The following SRD5A2 variants were observed in gnomAD, a reference collection of about 807,000 sequenced individuals.
The protein encoded by SRD5A2 is steroid 5 alpha-reductase 2.
SRD5A2 carries 30 observed loss-of-function variants against 27.4 expected under a neutral mutation model. The ratio of observed to expected loss-of-function variants is 1.10; its 90% CI spans 0.82 to 1.49. The LOEUF (loss-of-function observed/expected upper bound fraction) is 1.49, where lower values mean the gene tolerates loss of function less well. Among genes scored for constraint, SRD5A2 ranks in the 40% most tolerant of loss-of-function variants. The probability of loss-of-function intolerance (pLI) is 0.00; values close to 1 mark genes in which losing one functional copy is unlikely to be tolerated. For missense variants in SRD5A2, 348 were observed against 323.4 expected (o/e 1.08, Z -0.58); for synonymous variants, 141 against 133.6 (o/e 1.06, Z -0.38).
At chr2:31,589,671 C>T in the SRD5A2 span, among the ~76,000 whole-genome samples, 10 of 152,106 alleles carry the variant, frequency 6.6e-5, no homozygotes, top group Admixed American at 1.3e-4. Context: ...GGGGAGGGGC[C>T]ACAGGGTGAA....
At chr2:31,554,744 G>A (rs1666457825) in intron 1 of SRD5A2, among the ~76,000 whole-genome samples, 1 of 152,116 alleles carries the variant, frequency 6.6e-6, no homozygotes. Context: ...CTGGAAACAT[G>A]TTGCTTTAAA....
chr2:31,640,339 C>A, the SRD5A2 span, among the ~76,000 whole-genome samples: 1 of 152,068 alleles, frequency 6.6e-6, no homozygotes, highest in East Asian at 1.9e-4. Flanking sequence ...TTGTTAGGGT[C>A]AGTCACTGGA....
the SRD5A2 span, among the ~76,000 whole-genome samples, chr2:31,630,319 GAGAGAGAAA>G: frequency 1.2e-4 from 18 of 152,202 alleles, no homozygotes; most frequent in African/African-American, 1.4e-4. Context: ...GACAGAGAGA[GAGAGAGAAA>G]AGAGAGAAAA....
At chr2:31,619,340 T>C in the SRD5A2 span, among the ~76,000 whole-genome samples, 11 of 152,188 alleles carry the variant, frequency 7.2e-5, no homozygotes, top group Admixed American at 1.3e-4. Flanking sequence ...CAGTCTATCA[T>C]TGATGGGCAT....
chr2:31,564,971 T>C (rs971062677), intron 1 of SRD5A2, among the ~76,000 whole-genome samples: 3 of 151,966 alleles, frequency 2.0e-5, no homozygotes, highest in Admixed American at 6.6e-5. Context: ...TATTTAAAAC[T>C]GTTTAAAAGA....
intron 1 of SRD5A2, among the ~76,000 whole-genome samples, chr2:31,536,779 G>A (rs961466963): frequency 6.6e-6 from 1 of 152,220 alleles, no homozygotes. Context: ...AATTGGTGCT[G>A]TAGAGTTGTA....
the SRD5A2 span, among the ~76,000 whole-genome samples, chr2:31,589,659 C>T: frequency 6.6e-6 from 1 of 152,136 alleles, no homozygotes; most frequent in African/African-American, 2.4e-5. Context: ...GCCAGTAGAA[C>T]TGGGGAGGGG....
intron 1 of SRD5A2, among the ~76,000 whole-genome samples, chr2:31,547,216 G>A (rs555531972): frequency 6.6e-6 from 1 of 152,212 alleles, no homozygotes; most frequent in Non-Finnish European, 1.5e-5. Context: ...AATGATTTTT[G>A]ACAAGGGTGC....
At chr2:31,637,371 A>G in the SRD5A2 span, among the ~76,000 whole-genome samples, 1 of 152,084 alleles carries the variant, frequency 6.6e-6, no homozygotes, top group Non-Finnish European at 1.5e-5. Flanking sequence ...ACCCTGCTGA[A>G]CAAAACAGGT....
chr2:31,533,539 C>T lies in SRD5A2; in HGVS notation c.445+64G>A, dbSNP rs1006566097. On this transcript the variant is annotated intron_variant, in intron 2 of 4. Transcript: ENST00000622030. ...TCATTGCAGTAGGGAGAGGCCATGG[C>T]GATGTAGATTGTGGGAAGGGTTGTT... is the stretch of plus-strand genomic sequence containing the variant. 40 of 1,459,564 alleles carry T rather than the reference C, an allele frequency of 2.7e-5. No individual in the cohort carries two copies. The East Asian group carries it at 3.0e-4, about 11-fold the overall frequency. 90.4% of individuals were successfully genotyped at this position (1,459,564 alleles called of 1,614,324 possible).
chr2:31,576,459 A>G (rs1237555606), intron 1 of SRD5A2, among the ~76,000 whole-genome samples: 25 of 65,358 alleles, frequency 3.8e-4, no homozygotes, highest in Admixed American at 6.9e-4. Context: ...ATCATCTCAC[A>G]CCAGTTAGAA....
chr2:31,636,948 C>T, the SRD5A2 span, among the ~76,000 whole-genome samples: 1 of 151,826 alleles, frequency 6.6e-6, no homozygotes, highest in Non-Finnish European at 1.5e-5. Flanking sequence ...TTTATTGTAT[C>T]TTTATCTGGT....
chr2:31,650,917 C>T, the SRD5A2 span, among the ~76,000 whole-genome samples: 1 of 152,126 alleles, frequency 6.6e-6, no homozygotes, highest in Non-Finnish European at 1.5e-5. Context: ...GTGGCAGAAG[C>T]TGGGATCATG....
chr2:31,563,701 C>A (rs1432813001), intron 1 of SRD5A2, among the ~76,000 whole-genome samples: 1 of 152,080 alleles, frequency 6.6e-6, no homozygotes, highest in Non-Finnish European at 1.5e-5. Context: ...AGTGTTAATT[C>A]ATGCATTTGT....
At chr2:31,527,814 T>A (rs993963552) in intron 4 of SRD5A2, 7 of 152,246 alleles carry the variant, frequency 4.6e-5, no homozygotes, top group African/African-American at 1.2e-4. Context: ...ATTTCAGAAC[T>A]GTTGTCCTCG....
chr2:31,658,616 C>G, the SRD5A2 span, among the ~76,000 whole-genome samples: 1 of 151,306 alleles, frequency 6.6e-6, no homozygotes, highest in Non-Finnish European at 1.5e-5. Context: ...ACTAAAAAAC[C>G]TAGAAGAAAT....
chr2:31,595,034 C>T, the SRD5A2 span, among the ~76,000 whole-genome samples: 4 of 152,158 alleles, frequency 2.6e-5, no homozygotes, highest in South Asian at 4.1e-4. Context: ...CACAACCTAT[C>T]GAAACCTCTG....
At chr2:31,598,517 GA>G in the SRD5A2 span, among the ~76,000 whole-genome samples, 1 of 151,600 alleles carries the variant, frequency 6.6e-6, no homozygotes, top group East Asian at 1.9e-4. Flanking sequence ...AAAGAAGGGG[GA>G]AAAATAACAC....
chr2:31,631,156 G>A, the SRD5A2 span, among the ~76,000 whole-genome samples: 1 of 152,122 alleles, frequency 6.6e-6, no homozygotes, highest in Non-Finnish European at 1.5e-5. Flanking sequence ...ATCTTGATGG[G>A]GCGTCTGGGT....
Sources: gnomAD v4.1 joint callset for allele counts (sites outside exome capture counted in the v4.1 genomes callset) on GRCh38, gnomAD v4.1.1 for gene constraint, MANE v1.5 for transcripts, NCBI Gene and HGNC (gene_info 2026-07-23, HGNC 2026-07-21) for gene names.